The following ANKRD30A variants were observed in gnomAD, a reference collection of about 807,000 sequenced individuals.
The protein encoded by ANKRD30A is ankyrin repeat domain-containing protein 30A.
In ANKRD30A, 170 loss-of-function variants were observed where a neutral mutation model predicts 166.3. That is an observed-to-expected ratio of 1.02 (90% CI 0.90 to 1.16). The LOEUF (loss-of-function observed/expected upper bound fraction) is 1.16, where lower values mean the gene tolerates loss of function less well. Ranked by LOEUF, ANKRD30A falls within the 50% of genes most tolerant of loss-of-function variation. ANKRD30A has a pLI of 0.00. For missense variants in ANKRD30A, 1,630 were observed against 1,518.0 expected (o/e 1.07, Z -1.23); for synonymous variants, 564 against 508.9 (o/e 1.11, Z -1.46).
At chr10:37,263,894 G>A in the ANKRD30A span, among the ~76,000 whole-genome samples, 1 of 152,170 alleles carries the variant, frequency 6.6e-6, no homozygotes, top group Middle Eastern at 3.4e-3. Flanking sequence ...AGTGAGAAGT[G>A]GTCAGAGCCT....
chr10:37,129,699 C>T lies in ANKRD30A; in HGVS notation c.222-194C>T, dbSNP rs997257466. 3.2e-4 allele frequency among the ~76,000 whole-genome samples: 48 copies of T among 152,104 alleles called. 1 individual carries two copies. Among genetic ancestry groups the T allele is most frequent in the Non-Finnish European group, 1.6e-4 (11 of 68,006 alleles). On this transcript the variant is annotated intron_variant, in intron 1 of 35. Coordinates refer to ENST00000361713, the MANE Select transcript of ANKRD30A (RefSeq NM_052997.3). ...ATCCAAAGGCCAAGCTCTTTCTATTCAAATAGGCCACTCTTTCTTTAATGT... is the reference window on the plus strand; with the variant it reads ...ATCCAAAGGCCAAGCTCTTTCTATTTAAATAGGCCACTCTTTCTTTAATGT...
Position 37,231,371 on chromosome 10 carries a change from T to C in ANKRD30A, c.4186-90T>C, listed in dbSNP as rs1843405752. 3.7e-6 allele frequency: 4 copies of C among 1,080,570 alleles called. 1 individual carries two copies. The highest frequency in any genetic ancestry group is 2.2e-4 in the Middle Eastern group (1 of 4,536). The allele number at this position is 1,080,570 out of a possible 1,614,324, so 66.9% of individuals were successfully genotyped here. A position where few individuals can be genotyped will look rare whatever the true frequency, so the allele number is the denominator to read the frequency against. On this transcript the variant is annotated intron_variant, in intron 34 of 35. Coordinates refer to ENST00000361713, the MANE Select transcript of ANKRD30A (RefSeq NM_052997.3). The stretch of plus-strand genomic sequence containing the variant: ...TAATGGGAAATGTTATTTATTCTTA[T>C]AGAAGGGTTTTCTTTTTAAATACAA...
At chr10:37,204,285 CAG>C (rs1183403427) in intron 31 of ANKRD30A, among the ~76,000 whole-genome samples, 1 of 152,018 alleles carries the variant, frequency 6.6e-6, no homozygotes, top group African/African-American at 2.4e-5. Flanking sequence ...AGTACCAAAA[CAG>C]AGATATAGAT....
intron 12 of ANKRD30A, 129 bp downstream of exon 12, chr10:37,152,250 A>C: frequency 2.7e-6 from 2 of 743,732 alleles, no homozygotes; most frequent in Non-Finnish European, 4.3e-6. Context: ...TATTTTTCAG[A>C]ATATGCTTAA....
At chr10:37,260,415 A>G in the ANKRD30A span, among the ~76,000 whole-genome samples, 5 of 152,128 alleles carry the variant, frequency 3.3e-5, no homozygotes, top group South Asian at 8.3e-4. Flanking sequence ...GTCAGTGGCC[A>G]TATGTCTTCC....
chr10:37,192,132 G>A (rs1457625963), intron 25 of ANKRD30A, among the ~76,000 whole-genome samples: 1 of 151,962 alleles, frequency 6.6e-6, no homozygotes. Flanking sequence ...CACCTCCTGG[G>A]TTCAAGTGAT....
chr10:37,154,775 C>T (rs1215535371), intron 13 of ANKRD30A, among the ~76,000 whole-genome samples: 2 of 151,976 alleles, frequency 1.3e-5, no homozygotes, highest in African/African-American at 4.8e-5. Context: ...GAGCTCACTT[C>T]AGAAGCATTT....
chr10:37,139,072 C>A (rs1017608665), intron 6 of ANKRD30A, among the ~76,000 whole-genome samples: 1 of 152,178 alleles, frequency 6.6e-6, no homozygotes, highest in African/African-American at 2.4e-5. Flanking sequence ...GGCCAATATT[C>A]AACATTCTTA....
intron 31 of ANKRD30A, among the ~76,000 whole-genome samples, chr10:37,214,970 T>A (rs1310593655): frequency 1.3e-5 from 2 of 151,530 alleles, no homozygotes; most frequent in African/African-American, 2.4e-5. Flanking sequence ...AATTTGTGAA[T>A]CTTTTCTTTC....
At chr10:37,238,296 C>T in the ANKRD30A span, among the ~76,000 whole-genome samples, 1 of 152,160 alleles carries the variant, frequency 6.6e-6, no homozygotes, top group East Asian at 1.9e-4. Context: ...TTCAGCACTG[C>T]AAGAGAGGCA....
At chr10:37,220,063 T>C (rs1842834365) in intron 34 of ANKRD30A, among the ~76,000 whole-genome samples, 166 bp downstream of exon 34, 1 of 143,306 alleles carries the variant, frequency 7.0e-6, no homozygotes, top group Non-Finnish European at 1.5e-5. Flanking sequence ...ATAAATGCAC[T>C]TACTATATCA....
At chr10:37,191,921 C>T (rs927457541) in intron 25 of ANKRD30A, among the ~76,000 whole-genome samples, 9 of 151,890 alleles carry the variant, frequency 5.9e-5, no homozygotes, top group African/African-American at 1.2e-4. Flanking sequence ...CGTGAACCCG[C>T]GAGGCGGAGC....
intron 12 of ANKRD30A, 86 bp downstream of exon 12, chr10:37,152,207 C>A: frequency 1.7e-6 from 2 of 1,147,950 alleles, no homozygotes; most frequent in Non-Finnish European, 2.5e-6. Flanking sequence ...TATTTTCTCG[C>A]CTCTTCATAT....
intron 6 of ANKRD30A, among the ~76,000 whole-genome samples, chr10:37,140,992 A>ATCCACTTG (rs1837058346): frequency 6.6e-6 from 1 of 152,192 alleles, no homozygotes; most frequent in African/African-American, 2.4e-5. Context: ...TTATTCATTT[A>ATCCACTTG]TCCACTTGTC....
intron 15 of ANKRD30A, among the ~76,000 whole-genome samples, chr10:37,161,593 G>C (rs1231050223): frequency 6.6e-6 from 1 of 152,148 alleles, no homozygotes; most frequent in Admixed American, 6.5e-5. Flanking sequence ...GTTGCATTTA[G>C]ATTATTTGTA....
In ANKRD30A at chr10:37,136,833, A is replaced by G. The variant is rs111352640; in HGVS notation, c.820+162A>G. Among the ~76,000 whole-genome samples the G allele has an allele frequency of 2.4e-3, 166 of 69,944 alleles. 1 individual carries two copies. Among genetic ancestry groups the G allele is most frequent in the East Asian group, 0.011 (36 of 3,400 alleles). The allele number at this position is 69,944 out of a possible 152,430, so 45.9% of individuals were successfully genotyped here. ...TGTGTATGTGTGTGTGTGTGTGTGT[A>G]TATATATATATATATATAGCTTTGA... is the stretch of plus-strand genomic sequence containing the variant. On this transcript the variant is annotated intron_variant, in intron 6 of 35. Transcript: ENST00000361713.
At chr10:37,206,560 C>A (rs945792822) in intron 31 of ANKRD30A, among the ~76,000 whole-genome samples, 3 of 152,046 alleles carry the variant, frequency 2.0e-5, no homozygotes, top group African/African-American at 2.4e-5. Flanking sequence ...GAGGCCAAGG[C>A]GGGCAGATCA....
intron 9 of ANKRD30A, among the ~76,000 whole-genome samples, chr10:37,148,051 A>T (rs888071090): frequency 9.4e-5 from 13 of 138,230 alleles, no homozygotes; most frequent in African/African-American, 2.9e-4. Flanking sequence ...AATTTATCAT[A>T]TACACTCAGT....
intron 33 of ANKRD30A, 54 bp from the exon 34 acceptor site, chr10:37,218,926 C>G (rs1361963219): frequency 8.6e-7 from 1 of 1,165,384 alleles, no homozygotes; most frequent in Non-Finnish European, 1.2e-6. Context: ...TCAGAGGAAC[C>G]ATGATATGCC....
Sources: gnomAD v4.1 joint callset for allele counts (sites outside exome capture counted in the v4.1 genomes callset) on GRCh38, gnomAD v4.1.1 for gene constraint, MANE v1.5 for transcripts, NCBI Gene and HGNC (gene_info 2026-07-23, HGNC 2026-07-21) for gene names.